The following ZNF26 variants were observed in gnomAD, a reference collection of about 807,000 sequenced individuals.
ZNF26 encodes zinc finger protein 26, also known as epididymis luminal protein 179.
Under a neutral mutation model 54.9 loss-of-function variants are expected in ZNF26, and 32 were observed. That is an observed-to-expected ratio of 0.58 (90% CI 0.44 to 0.78). The LOEUF is 0.78. ZNF26 is among the 30% of genes least tolerant of loss of function. ZNF26 has a pLI of 0.00. For missense variants in ZNF26, 524 were observed against 634.0 expected (o/e 0.83, Z 1.86); for synonymous variants, 221 against 209.2 (o/e 1.06, Z -0.49).
In ZNF26 at chr12:133,001,274, T is replaced by C. The variant is rs1463327229; in HGVS notation, c.34-5768T>C. The stretch of plus-strand genomic sequence containing the variant: ...ATTGACTCTCAGTTACTTTCAGGTA[T>C]GGGAAAGTTCAGTCCACACTCTCAC... On this transcript the variant is annotated intron_variant, in intron 1 of 3. Transcript: ENST00000328654. The surrounding 1 kb of genome is among the most constrained non-coding windows in gnomAD (Gnocchi z 4.7). 2.6e-5 allele frequency among the ~76,000 whole-genome samples: 4 copies of C among 152,162 alleles called. No individual in the cohort carries two copies. The highest frequency in any genetic ancestry group is 9.6e-5 in the African/African-American group (4 of 41,454).
Position 133,022,602 on chromosome 12 carries a change from C to G in ZNF26, c.*11121C>G, listed in dbSNP as rs1465136433. 1 of 152,162 alleles carries G rather than the reference C, an allele frequency of 6.6e-6. No homozygotes were observed. The highest frequency in any genetic ancestry group is 1.5e-5 in the Non-Finnish European group (1 of 68,034). The allele number at this position is 152,162 out of a possible 1,614,324, so 9.4% of individuals were successfully genotyped here. On this transcript the variant is annotated 3_prime_UTR_variant, in exon 4 of 4. Transcript: ENST00000328654. ...AAACTGGGAAAAGTGTATAAGGGAT[C>G]TCTGCATTATTTTGTATACTCTAGG... is the stretch of plus-strand genomic sequence containing the variant.
chr12:133,006,965 C>A, intron 1 of ZNF26, 77 bp from the exon 2 acceptor site: 1 of 1,510,390 alleles, frequency 6.6e-7, no homozygotes, highest in South Asian at 1.2e-5. Flanking sequence ...ACATTTATCC[C>A]TTCCCAGTTC....
At position 133,011,499 on chromosome 12, in the gene ZNF26, A is replaced by G; in HGVS notation, c.*18A>G. 2.0e-6 allele frequency: 3 copies of G among 1,522,552 alleles called. No homozygotes were observed. Among genetic ancestry groups the G allele is most frequent in the South Asian group, 1.4e-5 (1 of 73,908 alleles). 94.3% of individuals were successfully genotyped at this position (1,522,552 alleles called of 1,614,324 possible). ...ATAAATGAGAAATCAGAATGATGCA[A>G]TGTGAGAAACTGATGTTCAGGAGAC... On this transcript the variant is annotated 3_prime_UTR_variant, in exon 4 of 4. Coordinates refer to ENST00000328654, the MANE Select transcript of ZNF26 (RefSeq NM_019591.4).
intron 1 of ZNF26, among the ~76,000 whole-genome samples, chr12:132,988,111 C>T (rs1345761370): frequency 2.6e-5 from 4 of 152,136 alleles, no homozygotes; most frequent in East Asian, 1.9e-4. Context: ...CGGGTTCGAG[C>T]GATTCTTGAG....
At chr12:132,992,968 A>G (rs2137216940) in intron 1 of ZNF26, among the ~76,000 whole-genome samples, 1 of 150,852 alleles carries the variant, frequency 6.6e-6, no homozygotes, top group South Asian at 2.1e-4. Context: ...TCTACATAAT[A>G]CATAAGCCCA....
At chr12:132,987,756 C>T (rs1385238775) in intron 1 of ZNF26, 1 of 984,752 alleles carries the variant, frequency 1.0e-6, no homozygotes, top group Non-Finnish European at 1.2e-6. Context: ...CTGGAACCCT[C>T]AAGAGGACCG....
chr12:133,000,216 TAACAG>T (rs1953180215), intron 1 of ZNF26, among the ~76,000 whole-genome samples: 1 of 152,046 alleles, frequency 6.6e-6, no homozygotes, highest in Admixed American at 6.6e-5. Flanking sequence ...TTCAAAATTT[TAACAG>T]TTATTTTGTA....
chr12:133,003,222 TATC>T (rs1953255476), intron 1 of ZNF26, among the ~76,000 whole-genome samples: 2 of 152,030 alleles, frequency 1.3e-5, no homozygotes, highest in Non-Finnish European at 1.5e-5. Flanking sequence ...TTTATCAAAA[TATC>T]ATATTGGCTT....
intron 1 of ZNF26, chr12:133,004,579 G>C (rs1953284847): frequency 6.6e-6 from 1 of 152,032 alleles, no homozygotes; most frequent in Admixed American, 6.6e-5. Context: ...TCAAACTCCT[G>C]TGCTCAAACC....
At chr12:133,004,766 G>A (rs1953288473) in intron 1 of ZNF26, 1 of 152,256 alleles carries the variant, frequency 6.6e-6, no homozygotes, top group African/African-American at 2.4e-5. Flanking sequence ...TTATAGGCAT[G>A]AGGTACCACA....
chr12:132,998,166 T>C (rs1476040793), intron 1 of ZNF26, among the ~76,000 whole-genome samples: 2 of 151,548 alleles, frequency 1.3e-5, no homozygotes, highest in Non-Finnish European at 2.9e-5. Context: ...GCTTTTTTTT[T>C]TTTTTCTTTT....
At chr12:132,997,142 GAC>G (rs1380452406) in intron 1 of ZNF26, among the ~76,000 whole-genome samples, 17 of 152,210 alleles carry the variant, frequency 1.1e-4, no homozygotes, top group African/African-American at 4.1e-4. Flanking sequence ...TACCTGGTCT[GAC>G]ACAAGGAACA....
At position 133,018,853 on chromosome 12, in the gene ZNF26, G is replaced by C. The variant is rs376911170; in HGVS notation, c.*7372G>C. 6.6e-6 allele frequency: 1 copy of C among 151,888 alleles called. No homozygotes were observed. The highest frequency in any genetic ancestry group is 1.5e-5 in the Non-Finnish European group (1 of 68,004). The allele number at this position is 151,888 out of a possible 1,614,324, so 9.4% of individuals were successfully genotyped here. ...AGCAATCCTCCCATTCTGGTCTCTC[G>C]AAGCATCAAGATTATAGGCATGAGC... On this transcript the variant is annotated 3_prime_UTR_variant, in exon 4 of 4. Coordinates refer to ENST00000328654, the MANE Select transcript of ZNF26 (RefSeq NM_019591.4).
chr12:132,991,989 A>G (rs1213483794), intron 1 of ZNF26, among the ~76,000 whole-genome samples: 1 of 151,954 alleles, frequency 6.6e-6, no homozygotes, highest in Non-Finnish European at 1.5e-5. Context: ...CTCTACTACA[A>G]ATACAAAAAT....
At chr12:132,996,415 G>A (rs1953085993) in intron 1 of ZNF26, among the ~76,000 whole-genome samples, 1 of 152,176 alleles carries the variant, frequency 6.6e-6, no homozygotes. Context: ...AGTTTGTTTA[G>A]TCCTCCTTCC....
rs1359694467 is a variant in ZNF26 at position 133,011,311 on chromosome 12, G to A, written c.1432G>A (p.Gly478Arg). 3 of 1,613,940 alleles carry A rather than the reference G, an allele frequency of 1.9e-6. No homozygotes were observed. Among genetic ancestry groups the A allele is most frequent in the East Asian group, 2.2e-5 (1 of 44,880 alleles). ...SLQIHQKTHSGEKPFKCSECG... is the reference protein window; with the variant it reads ...SLQIHQKTHSREKPFKCSECG... ...TCAGATACACCAGAAAACTCATTCG[G>A]GAGAGAAACCTTTTAAATGCAGTGA... Residue 478 changes from glycine (G) to arginine (R), a missense_variant, in exon 4 of 4, where the codon GGA (glycine) becomes AGA (arginine). Coordinates refer to ENST00000328654, the MANE Select transcript of ZNF26 (RefSeq NM_019591.4).
Position 133,011,361 on chromosome 12 carries a change from G to A in ZNF26, c.1482G>A (p.Lys494=). ...CSECGKAFTQ[K]SSLSEHQRVH... The stretch of plus-strand genomic sequence containing the variant: ...AATGTGGAAAAGCCTTCACTCAGAA[G>A]TCATCTCTCAGTGAACATCAGAGAG... Residue 494 remains lysine (K), a synonymous_variant, in exon 4 of 4, where the codon AAG becomes AAA. Coordinates refer to ENST00000328654, the MANE Select transcript of ZNF26 (RefSeq NM_019591.4). The A allele has an allele frequency of 6.2e-7, 1 of 1,613,762 alleles. No individual in the cohort carries two copies. Among genetic ancestry groups the A allele is most frequent in the Non-Finnish European group, 8.5e-7 (1 of 1,179,832 alleles).
chr12:132,991,152 C>T (rs1952943013), intron 1 of ZNF26, among the ~76,000 whole-genome samples: 1 of 151,356 alleles, frequency 6.6e-6, no homozygotes, highest in Admixed American at 6.6e-5. Context: ...AGCCACTGTG[C>T]CCAGCCTCCA....
At chr12:132,989,258 G>T (rs1361497213) in intron 1 of ZNF26, among the ~76,000 whole-genome samples, 2 of 151,824 alleles carry the variant, frequency 1.3e-5, no homozygotes, top group African/African-American at 2.4e-5. Context: ...GGATGGTCTC[G>T]ATCTCCTGAC....
Sources: gnomAD v4.1 joint callset for allele counts (sites outside exome capture counted in the v4.1 genomes callset) on GRCh38, gnomAD v4.1.1 for gene constraint, Gnocchi (gnomAD v3.1) non-coding constraint, MANE v1.5 for transcripts, NCBI Gene and HGNC (gene_info 2026-07-23, HGNC 2026-07-21) for gene names.